MAF: variants seen among roughly 807,000 people sequenced by gnomAD.
MAF encodes MAF bZIP transcription factor, also known as transcription factor Maf.
MAF carries 10 observed loss-of-function variants against 22.0 expected under a neutral mutation model. That is an observed-to-expected ratio of 0.45 (90% confidence interval 0.28 to 0.77). The LOEUF is 0.77. MAF is among the 30% of genes least tolerant of loss of function. The pLI, the probability that MAF is intolerant of heterozygous loss-of-function variation, is 0.12. For synonymous variants in MAF, 337 were observed against 255.8 expected (o/e 1.32, Z -3.03); for missense variants, 544 against 548.4 (o/e 0.99, Z 0.08).
chr16:79,553,541 A>G, the MAF span, among the ~76,000 whole-genome samples: 2 of 152,192 alleles, frequency 1.3e-5, no homozygotes, highest in Non-Finnish European at 2.9e-5. Context: ...CCTCCACAAC[A>G]CAGTCTGTCA....
chr16:79,254,195 G>A, the MAF span, among the ~76,000 whole-genome samples: 3 of 152,000 alleles, frequency 2.0e-5, no homozygotes, highest in Admixed American at 6.6e-5. Context: ...CAACATTTTC[G>A]AATAATTTTC....
the MAF span, among the ~76,000 whole-genome samples, chr16:79,538,764 T>G: frequency 6.6e-6 from 1 of 151,230 alleles, no homozygotes; most frequent in Non-Finnish European, 1.5e-5. Flanking sequence ...AGGTGGAGGT[T>G]GCAGTGAGCT....
chr16:79,213,940 C>T, the MAF span, among the ~76,000 whole-genome samples: 1 of 152,166 alleles, frequency 6.6e-6, no homozygotes, highest in Non-Finnish European at 1.5e-5. Flanking sequence ...CCTCTCTAAT[C>T]TCAACTTCCA....
chr16:79,392,191 G>A, the MAF span, among the ~76,000 whole-genome samples: 1 of 147,934 alleles, frequency 6.8e-6, no homozygotes, highest in Non-Finnish European at 1.5e-5. Context: ...AGAGAAGAAG[G>A]AGAGACAAGA....
the MAF span, among the ~76,000 whole-genome samples, chr16:79,551,862 G>A: frequency 6.6e-6 from 1 of 152,096 alleles, no homozygotes; most frequent in South Asian, 2.1e-4. Flanking sequence ...AGTATAGCCT[G>A]AAAACAGAAA....
the MAF span, among the ~76,000 whole-genome samples, chr16:79,391,884 G>GAGGAGGAGGAGGAGA: frequency 8.7e-6 from 1 of 115,094 alleles, no homozygotes; most frequent in Non-Finnish European, 2.2e-5. Context: ...GGAGGAGGAG[G>GAGGAGGAGGAGGAGA]AGGAGGAGGA....
At chr16:79,302,469 A>C in the MAF span, among the ~76,000 whole-genome samples, 1 of 152,358 alleles carries the variant, frequency 6.6e-6, no homozygotes, top group Non-Finnish European at 1.5e-5. Flanking sequence ...CACATGGCTG[A>C]TGCCTTAATC....
the MAF span, among the ~76,000 whole-genome samples, chr16:79,215,326 C>T: frequency 6.6e-6 from 1 of 152,062 alleles, no homozygotes; most frequent in African/African-American, 2.4e-5. Context: ...AAGCAATCCT[C>T]CCATTACAGG....
At chr16:79,518,662 T>A in the MAF span, among the ~76,000 whole-genome samples, 1 of 152,326 alleles carries the variant, frequency 6.6e-6, no homozygotes. Flanking sequence ...GAGGATAAAG[T>A]TAATATATGT....
the MAF span, among the ~76,000 whole-genome samples, chr16:79,426,510 A>G: frequency 2.0e-5 from 3 of 152,150 alleles, no homozygotes; most frequent in Non-Finnish European, 4.4e-5. Context: ...CTTACTAAAC[A>G]TTTTCCTTAG....
At chr16:79,467,265 C>T in the MAF span, among the ~76,000 whole-genome samples, 1 of 152,126 alleles carries the variant, frequency 6.6e-6, no homozygotes, top group African/African-American at 2.4e-5. Flanking sequence ...TAAAACACCC[C>T]TATTACAGTC....
the MAF span, among the ~76,000 whole-genome samples, chr16:79,217,560 A>G: frequency 6.6e-6 from 1 of 152,168 alleles, no homozygotes; most frequent in Admixed American, 6.5e-5. Flanking sequence ...TCTGACTGTA[A>G]GTTGGTCTGC....
the MAF span, among the ~76,000 whole-genome samples, chr16:79,502,396 T>C: frequency 6.6e-6 from 1 of 152,102 alleles, no homozygotes; most frequent in South Asian, 2.1e-4. Context: ...CTAGGCACAG[T>C]GGGTCATGCG....
At chr16:79,440,249 G>C in the MAF span, among the ~76,000 whole-genome samples, 1 of 152,172 alleles carries the variant, frequency 6.6e-6, no homozygotes, top group Non-Finnish European at 1.5e-5. Context: ...TTGGGCCCCA[G>C]CACATGCTGC....
the MAF span, among the ~76,000 whole-genome samples, chr16:79,403,073 T>C: frequency 3.9e-5 from 6 of 152,196 alleles, no homozygotes; most frequent in African/African-American, 1.4e-4. Context: ...ATGTGGCAGA[T>C]GACTTCACCT....
chr16:79,371,084 C>G, the MAF span, among the ~76,000 whole-genome samples: 4 of 152,054 alleles, frequency 2.6e-5, no homozygotes, highest in South Asian at 2.1e-4. Context: ...TAAGGGTACT[C>G]AGATGGTGGA....
At chr16:79,592,735 G>A (rs1480797097), downstream of MAF, among the ~76,000 whole-genome samples, 2 of 152,100 alleles carry the variant, frequency 1.3e-5, no homozygotes, top group Non-Finnish European at 2.9e-5. Flanking sequence ...AATAATCAGC[G>A]GAGATAAAAA....
chr16:79,596,752 T>A (rs1322382568), intron 1 of MAF: 70 of 1,045,192 alleles, frequency 6.7e-5, no homozygotes, highest in Non-Finnish European at 6.9e-5. Context: ...AACTGTGGAT[T>A]TTTTTTTAAG....
the MAF span, among the ~76,000 whole-genome samples, chr16:79,245,414 T>G: frequency 2.6e-5 from 4 of 151,952 alleles, no homozygotes; most frequent in Non-Finnish European, 5.9e-5. Flanking sequence ...AAACAGACAC[T>G]TATCAAAAGA....
Sources: gnomAD v4.1 joint callset for allele counts (sites outside exome capture counted in the v4.1 genomes callset) on GRCh38, gnomAD v4.1.1 for gene constraint, MANE v1.5 for transcripts, NCBI Gene and HGNC (gene_info 2026-07-23, HGNC 2026-07-21) for gene names.